Variants in BMP6 observed in about 807,000 individuals in gnomAD.
The protein encoded by BMP6 is VG-1-R.
Under a neutral mutation model 54.1 loss-of-function variants are expected in BMP6, and 17 were observed. The ratio of observed to expected loss-of-function variants is 0.31; its 90% confidence interval spans 0.22 to 0.47. The LOEUF is 0.47. Ranked by LOEUF, BMP6 falls within the 20% of genes least tolerant of loss-of-function variation. BMP6 has a pLI of 1.00. For missense variants in BMP6, 720 were observed against 690.4 expected (o/e 1.04, Z -0.48); for synonymous variants, 328 against 291.2 (o/e 1.13, Z -1.28).
intron 4 of BMP6, among the ~76,000 whole-genome samples, chr6:7,866,282 C>T (rs1759422799): frequency 6.6e-6 from 1 of 152,218 alleles, no homozygotes. Context: ...GCCGTCTTTG[C>T]CCCATTGGGG....
intron 1 of BMP6, among the ~76,000 whole-genome samples, chr6:7,833,307 G>A (rs1029253455): frequency 4.6e-5 from 7 of 152,196 alleles, no homozygotes; most frequent in African/African-American, 1.7e-4. Context: ...AATTTAAATA[G>A]CTCCCCGTGC....
chr6:7,876,882 C>CT (rs1369801845), intron 4 of BMP6, among the ~76,000 whole-genome samples: 3 of 150,802 alleles, frequency 2.0e-5, no homozygotes, highest in East Asian at 1.9e-4. Context: ...GGTATTCTTC[C>CT]TTTTTTTTCC....
At chr6:7,833,225 C>T (rs1422897164) in intron 1 of BMP6, among the ~76,000 whole-genome samples, 1 of 152,196 alleles carries the variant, frequency 6.6e-6, no homozygotes, top group Non-Finnish European at 1.5e-5. Context: ...AGCCACCAGA[C>T]ACTTGTGACT....
intron 2 of BMP6, among the ~76,000 whole-genome samples, chr6:7,846,627 T>C (rs1759068304): frequency 6.6e-6 from 1 of 152,210 alleles, no homozygotes; most frequent in Non-Finnish European, 1.5e-5. Flanking sequence ...ATGAGTAAAA[T>C]ACATCCATTG....
intron 4 of BMP6, among the ~76,000 whole-genome samples, chr6:7,866,236 A>G (rs1370689116): frequency 6.6e-6 from 1 of 152,126 alleles, no homozygotes; most frequent in Non-Finnish European, 1.5e-5. Flanking sequence ...GGTATCATTT[A>G]TTGTTTTTAC....
intron 1 of BMP6, 63 bp from the exon 2 acceptor site, chr6:7,845,077 G>A (rs1391149019): frequency 6.9e-7 from 1 of 1,444,064 alleles, no homozygotes; most frequent in Non-Finnish European, 9.5e-7. Context: ...AAACTGGTGA[G>A]GTAAGCCCGT....
At chr6:7,840,956 C>CT (rs552851209) in intron 1 of BMP6, among the ~76,000 whole-genome samples, 235 of 152,260 alleles carry the variant, frequency 1.5e-3, no homozygotes, top group Non-Finnish European at 2.9e-3. Flanking sequence ...GCCGTCAGTC[C>CT]TATCTGTAGA....
chr6:7,801,837 T>C (rs948868014), intron 1 of BMP6, among the ~76,000 whole-genome samples: 1 of 152,166 alleles, frequency 6.6e-6, no homozygotes, highest in African/African-American at 2.4e-5. Context: ...ACAACAGATG[T>C]TGTTCTTGTT....
intron 1 of BMP6, among the ~76,000 whole-genome samples, chr6:7,821,001 G>A (rs1295207451): frequency 6.6e-6 from 1 of 152,234 alleles, no homozygotes; most frequent in African/African-American, 2.4e-5. Flanking sequence ...CGCCAGCCAT[G>A]CACCTTCTGC....
At chr6:7,799,656 T>C (rs1306569828) in intron 1 of BMP6, among the ~76,000 whole-genome samples, 1 of 152,010 alleles carries the variant, frequency 6.6e-6, no homozygotes, top group Non-Finnish European at 1.5e-5. Flanking sequence ...CTCAGCTTAC[T>C]TTAATAAATA....
chr6:7,727,614 A>G lies in BMP6; in HGVS notation c.659A>G (p.Asn220Ser). 6.4e-7 allele frequency: 1 copy of G among 1,552,272 alleles called. No homozygotes were observed. The highest frequency in any genetic ancestry group is 8.6e-7 in the Non-Finnish European group (1 of 1,158,210). ...GCGGACATGGTCATGAGCTTTGTGA[A>G]CCTGGGTAAGGATTTGGGGTAACGT... The part of the protein sequence containing the change: ...NDADMVMSFV[N>S]LVEYDKEFSP... The change falls in exon 1 of 7, where the codon AAC (asparagine) becomes AGC (serine). Residue 220 changes from asparagine to serine, a missense_variant. This residue lies in a region of BMP6 where 650 missense variants were observed against 556.3 expected (regional missense o/e 1.17). Transcript: ENST00000283147.
At chr6:7,808,512 C>T (rs114861230) in intron 1 of BMP6, among the ~76,000 whole-genome samples, 68 of 152,260 alleles carry the variant, frequency 4.5e-4, no homozygotes, top group African/African-American at 1.3e-3. Context: ...TTAAACTTTG[C>T]ATTTATTCTT....
chr6:7,729,589 C>G (rs1157760049), intron 1 of BMP6, among the ~76,000 whole-genome samples: 1 of 152,110 alleles, frequency 6.6e-6, no homozygotes, highest in African/African-American at 2.4e-5. Context: ...AGGTCAGAAT[C>G]TTTTGAGGGT....
chr6:7,861,371 T>C (rs955510065), intron 2 of BMP6, 80 bp from the exon 3 acceptor site: 2 of 1,551,258 alleles, frequency 1.3e-6, no homozygotes, highest in African/African-American at 1.4e-5. Context: ...GCATGTTTTA[T>C]CCTGACGCTG....
chr6:7,855,660 C>G (rs1364806269), intron 2 of BMP6, among the ~76,000 whole-genome samples: 2 of 145,590 alleles, frequency 1.4e-5, no homozygotes, highest in Non-Finnish European at 3.0e-5. Context: ...CTCCCAGGCT[C>G]AAGAGATCCT....
chr6:7,770,704 C>T (rs1213504240), intron 1 of BMP6, among the ~76,000 whole-genome samples: 2 of 152,216 alleles, frequency 1.3e-5, no homozygotes, highest in Non-Finnish European at 2.9e-5. Context: ...TTCCTGAGCT[C>T]CTTTCCAGAT....
intron 4 of BMP6, among the ~76,000 whole-genome samples, chr6:7,872,332 A>G (rs890470672): frequency 6.6e-6 from 1 of 151,984 alleles, no homozygotes; most frequent in African/African-American, 2.4e-5. Flanking sequence ...AATTCCATGC[A>G]GAACCCAGGG....
At chr6:7,757,019 T>C (rs1314075217) in intron 1 of BMP6, among the ~76,000 whole-genome samples, 1 of 152,224 alleles carries the variant, frequency 6.6e-6, no homozygotes, top group African/African-American at 2.4e-5. Context: ...GCTCTCTCTA[T>C]GTAGCACTCT....
At position 7,845,336 on chromosome 6, in the gene BMP6, T is replaced by C; in HGVS notation, c.857+4T>C. The stretch of plus-strand genomic sequence containing the variant: ...TCTTACAGGAGCATCAGCACAGGTA[T>C]GAAGGCTCGAGAAAGCCCCAAAGGT... On this transcript the variant is annotated splice_donor_region_variant and intron_variant, in intron 2 of 6. Coordinates refer to ENST00000283147, the MANE Select transcript of BMP6 (RefSeq NM_001718.6). The C allele has an allele frequency of 6.2e-7, 1 of 1,608,458 alleles. No homozygotes were observed. Among genetic ancestry groups the C allele is most frequent in the Non-Finnish European group, 8.5e-7 (1 of 1,176,450 alleles).
Sources: allele counts gnomAD v4.1 joint callset (sites outside exome capture counted in the v4.1 genomes callset), GRCh38; gene constraint gnomAD v4.1.1; regional missense constraint gnomAD v4.1.1; transcripts MANE v1.5; gene names NCBI Gene and HGNC (gene_info 2026-07-23, HGNC 2026-07-21).